The following RARS2 variants were observed in gnomAD, a reference collection of about 807,000 sequenced individuals.
RARS2 encodes the protein probable arginine--tRNA ligase, mitochondrial.
RARS2 carries 67 observed loss-of-function variants against 88.5 expected under a neutral mutation model. That is an observed-to-expected ratio of 0.76 (90% confidence interval 0.62 to 0.93). The LOEUF is 0.93. Among genes scored for constraint, RARS2 ranks in the 40% least tolerant of loss-of-function variants. RARS2 has a pLI of 0.00. For synonymous variants in RARS2, 239 were observed against 230.3 expected, an observed-to-expected ratio of 1.04 and a Z score of -0.34; for missense variants, 664 against 684.2, an observed-to-expected ratio of 0.97 and a Z score of 0.33.
chr6:87,549,077 G>A (rs1302434544), intron 5 of RARS2, among the ~76,000 whole-genome samples: 1 of 151,986 alleles, frequency 6.6e-6, no homozygotes, highest in Admixed American at 6.6e-5. Context: ...TCAGGTGGCT[G>A]GGTGTGGTGG....
intron 19 of RARS2, 97 bp from the exon 20 acceptor site, chr6:87,514,596 G>T: frequency 9.1e-7 from 1 of 1,102,366 alleles, no homozygotes; most frequent in Non-Finnish European, 1.4e-6. Flanking sequence ...CTAGTTTAAA[G>T]CAGGAACAAT....
At chr6:87,570,418 T>G (rs1769293292) in intron 1 of RARS2, among the ~76,000 whole-genome samples, 1 of 152,170 alleles carries the variant, frequency 6.6e-6, no homozygotes, top group Non-Finnish European at 1.5e-5. Flanking sequence ...TCCCATGTAC[T>G]GAATGATTTA....
chr6:87,548,741 G>A, intron 5 of RARS2, 95 bp from the exon 6 acceptor site: 2 of 1,162,806 alleles, frequency 1.7e-6, no homozygotes, highest in Non-Finnish European at 2.5e-6. Context: ...AAACTGTGGA[G>A]TATGGCCTTT....
chr6:87,565,163 C>T (rs7744190), intron 2 of RARS2, among the ~76,000 whole-genome samples: 10,950 of 152,196 alleles, frequency 0.072, 550 homozygotes, highest in African/African-American at 0.15. Flanking sequence ...TAAAAACAGA[C>T]TGAGAAAAAA....
chr6:87,534,565 C>A (rs1195119201), intron 8 of RARS2, among the ~76,000 whole-genome samples: 1 of 152,126 alleles, frequency 6.6e-6, no homozygotes, highest in Non-Finnish European at 1.5e-5. Context: ...TTTGTTCTTG[C>A]TAGGTATTTC....
intron 1 of RARS2, among the ~76,000 whole-genome samples, chr6:87,584,886 G>C (rs1359422318): frequency 6.6e-6 from 1 of 152,088 alleles, no homozygotes; most frequent in Non-Finnish European, 1.5e-5. Flanking sequence ...TAAGACAACC[G>C]AAGTCAACCC....
intron 1 of RARS2, among the ~76,000 whole-genome samples, chr6:87,579,475 C>G (rs556765678): frequency 4.6e-5 from 7 of 152,236 alleles, no homozygotes; most frequent in African/African-American, 1.2e-4. Context: ...GATGCCCAAC[C>G]TCAGGCTAAA....
Position 87,519,693 on chromosome 6 carries a change from G to C in RARS2, c.1127C>G (p.Pro376Arg). 6.2e-7 allele frequency: 1 copy of C among 1,613,880 alleles called. No individual in the cohort carries two copies. The highest frequency in any genetic ancestry group is 8.5e-7 in the Non-Finnish European group (1 of 1,179,872). ...YDWAERCQHV[P>R]FGVVQGMKTR... is the part of the protein sequence containing the mutation. ...CTTCATTCCCTGTACTACTCCAAAG[G>C]GCACGTGCTGGCACCTAAAAGAGTG... The change falls in exon 14 of 20, where the codon CCC becomes CGC. Residue 376 changes from proline (P) to arginine (R), a missense_variant. Pro to Arg is a moderately radical substitution (Grantham distance 103). Coordinates refer to ENST00000369536, the MANE Select transcript of RARS2 (RefSeq NM_020320.5).
rs545214460 is a variant in RARS2 at position 87,574,432 on chromosome 6, C to T, written c.37-4842G>A. On this transcript the variant is annotated intron_variant, in intron 1 of 19. Coordinates refer to ENST00000369536, the MANE Select transcript of RARS2 (RefSeq NM_020320.5). ...CCACAAAGGTGAGGTAAGCCAAAAA[C>T]AAACGTGACATGAGGAGTGAAGAAG... Among the ~76,000 whole-genome samples the T allele has an allele frequency of 3.3e-5, 5 of 152,238 alleles. No homozygotes were observed. In the South Asian group the frequency reaches 8.3e-4, roughly 25 times the overall value.
intron 6 of RARS2, among the ~76,000 whole-genome samples, chr6:87,547,542 G>A (rs181778109): frequency 4.4e-4 from 67 of 152,204 alleles, no homozygotes; most frequent in African/African-American, 1.6e-3. Context: ...TTGACCTGCT[G>A]TATGACATGT....
chr6:87,515,595 T>C (rs1254792454), intron 18 of RARS2, among the ~76,000 whole-genome samples: 1 of 152,140 alleles, frequency 6.6e-6, no homozygotes, highest in African/African-American at 2.4e-5. Context: ...TTTTTCCTCA[T>C]TTAGGCAGCC....
chr6:87,583,482 G>C (rs1774208794), intron 1 of RARS2, among the ~76,000 whole-genome samples: 1 of 151,974 alleles, frequency 6.6e-6, no homozygotes, highest in Admixed American at 6.6e-5. Flanking sequence ...CCAGCTACCT[G>C]GGAGGCTGAG....
chr6:87,569,492 T>C (rs2128188057), intron 2 of RARS2, 25 bp downstream of exon 2: 2 of 1,532,552 alleles, frequency 1.3e-6, no homozygotes, highest in East Asian at 2.3e-5. Flanking sequence ...ATTTTATAGA[T>C]TGTTACAAGT....
chr6:87,542,326 A>C (rs1231233325), intron 7 of RARS2, among the ~76,000 whole-genome samples: 1 of 152,236 alleles, frequency 6.6e-6, no homozygotes, highest in Non-Finnish European at 1.5e-5. Flanking sequence ...TAAAAAATAA[A>C]CATTTATTAA....
chr6:87,551,252 T>C (rs1784233821), intron 5 of RARS2, among the ~76,000 whole-genome samples: 1 of 152,146 alleles, frequency 6.6e-6, no homozygotes, highest in Admixed American at 6.5e-5. Context: ...CTATTATGAA[T>C]TATAATTTGG....
chr6:87,571,190 G>A (rs567283769), intron 1 of RARS2, among the ~76,000 whole-genome samples: 18 of 152,134 alleles, frequency 1.2e-4, no homozygotes, highest in Admixed American at 6.5e-4. Context: ...TTCTGTTTTC[G>A]TGACAGTGAG....
At chr6:87,562,183 G>A (rs549085275) in intron 4 of RARS2, among the ~76,000 whole-genome samples, 59 of 152,070 alleles carry the variant, frequency 3.9e-4, no homozygotes, top group Non-Finnish European at 6.8e-4. Flanking sequence ...TTGAACTTCC[G>A]GGCTCAAGTG....
chr6:87,522,059 G>A (rs957380184), intron 11 of RARS2, among the ~76,000 whole-genome samples: 1 of 152,164 alleles, frequency 6.6e-6, no homozygotes, highest in Non-Finnish European at 1.5e-5. Flanking sequence ...GGCCAGGTGT[G>A]GCGGCTCACG....
At chr6:87,522,963 C>T (rs1774428652) in intron 11 of RARS2, among the ~76,000 whole-genome samples, 1 of 152,038 alleles carries the variant, frequency 6.6e-6, no homozygotes, top group African/African-American at 2.4e-5. Context: ...ACAATATATA[C>T]AGAGATACAG....
Sources: gnomAD v4.1 joint callset for allele counts (sites outside exome capture counted in the v4.1 genomes callset) on GRCh38, gnomAD v4.1.1 for gene constraint, MANE v1.5 for transcripts, NCBI Gene and HGNC (gene_info 2026-07-23, HGNC 2026-07-21) for gene names.